ATP2C2: variants seen among roughly 807,000 people sequenced by gnomAD.
The protein encoded by ATP2C2 is calcium-transporting ATPase type 2C member 2.
Under a neutral mutation model 110.8 loss-of-function variants are expected in ATP2C2, and 171 were observed. The observed-to-expected ratio is 1.54, with a 90% CI of 1.36 to 1.75. The LOEUF is 1.75. ATP2C2 is among the 40% of genes most tolerant of loss of function. The pLI, the probability that ATP2C2 is intolerant of heterozygous loss-of-function variation, is 0.00. For missense variants in ATP2C2, 1,963 were observed against 1,235.0 expected (o/e 1.59, Z -8.84); for synonymous variants, 804 against 508.4 (o/e 1.58, Z -7.82).
rs59423687 is a variant in ATP2C2 at position 84,375,262 on chromosome 16, C to T, written c.99+6548C>T. Among the ~76,000 whole-genome samples the T allele has an allele frequency of 4.6e-3, 700 of 152,322 alleles. 8 individuals are homozygous for T. The highest frequency in any genetic ancestry group is 0.016 in the African/African-American group (664 of 41,570). The stretch of plus-strand genomic sequence containing the variant: ...TTAACATGAAAAACGTCAAACACGG[C>T]CCGGCGCAGTGGGTCACGCCTGTAA... On this transcript the variant is annotated intron_variant, in intron 1 of 26. Coordinates refer to ENST00000262429, the MANE Select transcript of ATP2C2 (RefSeq NM_014861.4).
In ATP2C2 at chr16:84,448,517, C is replaced by T; in HGVS notation, c.1504-16C>T. 6.2e-7 allele frequency: 1 copy of T among 1,600,642 alleles called. No individual in the cohort carries two copies. The highest frequency in any genetic ancestry group is 1.1e-5 in the South Asian group (1 of 89,870). Reference sequence around the variant, plus strand: ...CTTCCAGTGATAGTGGATTTCTTCCCTTTGTCTTTTCTAAGGATCAGGAAG... The same window carrying T: ...CTTCCAGTGATAGTGGATTTCTTCCTTTTGTCTTTTCTAAGGATCAGGAAG... On this transcript the variant is annotated splice_polypyrimidine_tract_variant and intron_variant, in intron 16 of 26. Transcript: ENST00000262429.
chr16:84,422,512 G>A lies in ATP2C2; in HGVS notation c.747G>A (p.Gly249=), dbSNP rs753850251. ...LTTLSNIVFM[G]TLVQYGRGQG... is the part of the protein sequence containing the mutation. ...CCCTCAGCAACATCGTCTTCATGGG[G>A]ACCCTGGTGCAGTATGGGAGGGGCC... is the stretch of plus-strand genomic sequence containing the variant. Residue 249 remains glycine, a synonymous_variant, in exon 8 of 27, where the codon GGG becomes GGA. Transcript: ENST00000262429. The A allele has an allele frequency of 6.2e-7, 1 of 1,614,114 alleles. No homozygotes were observed. The highest frequency in any genetic ancestry group is 1.1e-5 in the South Asian group (1 of 91,068).
intron 6 of ATP2C2, among the ~76,000 whole-genome samples, chr16:84,414,159 A>G (rs939245148): frequency 6.6e-6 from 1 of 152,220 alleles, no homozygotes; most frequent in Non-Finnish European, 1.5e-5. Context: ...GGAGCCTGCC[A>G]TGGGAGGAGC....
intron 1 of ATP2C2, among the ~76,000 whole-genome samples, chr16:84,385,101 G>T (rs910082635): frequency 6.6e-6 from 1 of 152,140 alleles, no homozygotes; most frequent in Non-Finnish European, 1.5e-5. Context: ...GATTTATAGG[G>T]AAAAGAGGTT....
intron 20 of ATP2C2, among the ~76,000 whole-genome samples, chr16:84,454,474 G>C (rs899854697): frequency 2.6e-5 from 4 of 152,140 alleles, no homozygotes; most frequent in Non-Finnish European, 2.9e-5. Flanking sequence ...GGTACCCCAT[G>C]GTTTCCAGGG....
At chr16:84,439,992 G>A (rs1424521137) in intron 13 of ATP2C2, among the ~76,000 whole-genome samples, 1 of 152,134 alleles carries the variant, frequency 6.6e-6, no homozygotes, top group Non-Finnish European at 1.5e-5. Context: ...GCCCTAATAC[G>A]CCGAGCTTAT....
intron 1 of ATP2C2, among the ~76,000 whole-genome samples, chr16:84,389,238 C>T (rs1291752809): frequency 6.6e-6 from 1 of 152,218 alleles, no homozygotes; most frequent in East Asian, 1.9e-4. Flanking sequence ...CTGTTCTTCC[C>T]TCAGCCCAGA....
intron 2 of ATP2C2, among the ~76,000 whole-genome samples, chr16:84,402,898 A>G (rs1905429421): frequency 6.6e-6 from 1 of 152,194 alleles, no homozygotes; most frequent in Non-Finnish European, 1.5e-5. Context: ...TTCAGCAGTG[A>G]AGCCACTGGG....
At chr16:84,399,999 C>A (rs553437707) in intron 2 of ATP2C2, among the ~76,000 whole-genome samples, 6 of 151,758 alleles carry the variant, frequency 4.0e-5, no homozygotes, top group African/African-American at 1.5e-4. Flanking sequence ...TCAGCGAGAA[C>A]CTGCAAAGTT....
chr16:84,459,449 GC>G (rs1194144127), intron 23 of ATP2C2, 63 bp downstream of exon 23: 2 of 1,603,504 alleles, frequency 1.2e-6, no homozygotes, highest in African/African-American at 1.3e-5. Flanking sequence ...TCCTCCAGGG[GC>G]TGCTGGCTGT....
chr16:84,415,951 G>T (rs1392923649), intron 7 of ATP2C2, among the ~76,000 whole-genome samples: 4 of 152,160 alleles, frequency 2.6e-5, no homozygotes, highest in Non-Finnish European at 5.9e-5. Flanking sequence ...TTAGAGGCGG[G>T]TGGATCACTT....
chr16:84,387,049 G>A (rs1362503920), intron 1 of ATP2C2, among the ~76,000 whole-genome samples: 1 of 152,122 alleles, frequency 6.6e-6, no homozygotes, highest in Admixed American at 6.5e-5. Flanking sequence ...GTGGGGTTGG[G>A]GGTGCAGATC....
intron 20 of ATP2C2, among the ~76,000 whole-genome samples, 191 bp from the exon 21 acceptor site, chr16:84,454,627 C>T (rs1025529635): frequency 1.4e-4 from 21 of 152,286 alleles, no homozygotes; most frequent in South Asian, 4.1e-4. Context: ...TCCCACTTTG[C>T]AGATAGGGAA....
chr16:84,461,607 G>A, intron 24 of ATP2C2, 107 bp from the exon 25 acceptor site: 1 of 964,120 alleles, frequency 1.0e-6, no homozygotes, highest in South Asian at 1.3e-5. Flanking sequence ...GCTTGTAAGT[G>A]GCTCCCAGCC....
chr16:84,445,616 G>A (rs963642776), intron 15 of ATP2C2, among the ~76,000 whole-genome samples: 10 of 152,266 alleles, frequency 6.6e-5, no homozygotes, highest in East Asian at 5.8e-4. Flanking sequence ...CAGAGGTTCC[G>A]AGGTTAGGAC....
chr16:84,373,852 T>A (rs1402390915), intron 1 of ATP2C2, among the ~76,000 whole-genome samples: 1 of 152,246 alleles, frequency 6.6e-6, no homozygotes, highest in Non-Finnish European at 1.5e-5. Flanking sequence ...TCTTTTGAAC[T>A]TTTGATTTTG....
At chr16:84,450,787 A>G (rs1238957893) in intron 17 of ATP2C2, among the ~76,000 whole-genome samples, 1 of 152,092 alleles carries the variant, frequency 6.6e-6, no homozygotes, top group Non-Finnish European at 1.5e-5. Context: ...TCACAGCAAG[A>G]GTCCCCTCAG....
intron 1 of ATP2C2, among the ~76,000 whole-genome samples, chr16:84,372,756 G>C (rs984137403): frequency 1.8e-4 from 27 of 152,150 alleles, no homozygotes; most frequent in African/African-American, 6.3e-4. Context: ...ACAAAAGTGT[G>C]ATATCAAGTA....
At chr16:84,411,920 C>G (rs1336277204) in intron 6 of ATP2C2, among the ~76,000 whole-genome samples, 2 of 151,758 alleles carry the variant, frequency 1.3e-5, no homozygotes, top group African/African-American at 4.8e-5. Flanking sequence ...TTTCCTTTTT[C>G]TTTTCTTTCT....
Sources: allele counts gnomAD v4.1 joint callset (sites outside exome capture counted in the v4.1 genomes callset), GRCh38; gene constraint gnomAD v4.1.1; transcripts MANE v1.5; gene names NCBI Gene and HGNC (gene_info 2026-07-23, HGNC 2026-07-21).